The following RARS1 variants were observed in gnomAD, a reference collection of about 807,000 sequenced individuals.
RARS1 encodes the protein arginine--tRNA ligase, cytoplasmic.
A neutral mutation model predicts 78.7 loss-of-function variants in RARS1; 75 were observed. That is an observed-to-expected ratio of 0.95 (90% CI 0.79 to 1.15). The LOEUF (loss-of-function observed/expected upper bound fraction) is 1.15, where lower values mean the gene tolerates loss of function less well. Ranked by LOEUF, RARS1 falls within the 50% of genes most tolerant of loss-of-function variation. The pLI is 0.00. For missense variants in RARS1, 787 were observed against 787.5 expected (o/e 1.00, Z 0.01); for synonymous variants, 273 against 268.2 (o/e 1.02, Z -0.18).
chr5:168,512,334 T>G (rs542296934), intron 12 of RARS1, among the ~76,000 whole-genome samples: 2 of 152,306 alleles, frequency 1.3e-5, no homozygotes, highest in East Asian at 3.9e-4. Flanking sequence ...TTCTTTCGGA[T>G]ATATATCTAG....
intron 11 of RARS1, among the ~76,000 whole-genome samples, chr5:168,507,148 C>T (rs1758465009): frequency 6.6e-6 from 1 of 152,130 alleles, no homozygotes; most frequent in Non-Finnish European, 1.5e-5. Flanking sequence ...AGACACTATT[C>T]AACAATATAG....
intron 7 of RARS1, among the ~76,000 whole-genome samples, chr5:168,498,811 A>G (rs1312845409): frequency 6.6e-6 from 1 of 152,118 alleles, no homozygotes; most frequent in African/African-American, 2.4e-5. Flanking sequence ...CACAAAAAAT[A>G]CAAAAGTTAG....
Position 168,506,756 on chromosome 5 carries a change from A to G in RARS1, c.1271A>G (p.Gln424Arg). ...VHFQTIFAAA[Q>R]MIGWYDPKVT... ...TTCCAGACAATATTTGCTGCTGCTC[A>G]AATGATTGGTTGGTATGACCCTAAA... Residue 424 changes from glutamine to arginine, a missense_variant, in exon 11 of 15, where the codon CAA becomes CGA. Physicochemically the swap from Gln to Arg is conservative, Grantham distance 43 (BLOSUM62 1). Coordinates refer to ENST00000231572, the MANE Select transcript of RARS1 (RefSeq NM_002887.4). 6.2e-7 allele frequency: 1 copy of G among 1,613,948 alleles called. No individual in the cohort carries two copies. Among genetic ancestry groups the G allele is most frequent in the Admixed American group, 1.7e-5 (1 of 60,026 alleles).
At chr5:168,511,376 G>A (rs1390875495) in intron 12 of RARS1, among the ~76,000 whole-genome samples, 1 of 151,992 alleles carries the variant, frequency 6.6e-6, no homozygotes, top group Admixed American at 6.6e-5. Flanking sequence ...GGAAGATGAA[G>A]GGGGAGCAGG....
intron 7 of RARS1, among the ~76,000 whole-genome samples, chr5:168,497,734 C>T (rs1412339008): frequency 6.6e-6 from 1 of 151,930 alleles, no homozygotes; most frequent in Non-Finnish European, 1.5e-5. Context: ...ATCTGAAAAA[C>T]TGAATTCTTT....
At chr5:168,518,960 A>G in intron 14 of RARS1, 121 bp from the exon 15 acceptor site, 1 of 672,930 alleles carries the variant, frequency 1.5e-6, no homozygotes, top group East Asian at 2.9e-5. Context: ...GTTAAAACCC[A>G]AAAACATCTG....
chr5:168,505,296 C>T (rs768208567), intron 9 of RARS1, among the ~76,000 whole-genome samples: 30 of 152,216 alleles, frequency 2.0e-4, no homozygotes, highest in Non-Finnish European at 4.0e-4. Flanking sequence ...ATAGCTGCTA[C>T]TGTTATCATG....
chr5:168,500,542 G>GATT (rs1758296104), intron 7 of RARS1, 49 bp from the exon 8 acceptor site: 1 of 1,386,802 alleles, frequency 7.2e-7, no homozygotes, highest in Admixed American at 3.5e-5. Flanking sequence ...AGAAATACAG[G>GATT]ATTAGATCTT....
At chr5:168,494,250 A>G (rs1485272764) in intron 4 of RARS1, 9 of 985,218 alleles carry the variant, frequency 9.1e-6, no homozygotes, top group Non-Finnish European at 1.1e-5. Context: ...AAATGAGGAT[A>G]GATAATGGCA....
chr5:168,501,388 G>A (rs1758316864), intron 8 of RARS1, among the ~76,000 whole-genome samples: 1 of 152,050 alleles, frequency 6.6e-6, no homozygotes, highest in Non-Finnish European at 1.5e-5. Context: ...GATAGGAAGA[G>A]CTTTTTTTTC....
chr5:168,507,533 A>G (rs1295766441), intron 11 of RARS1, among the ~76,000 whole-genome samples: 1 of 152,182 alleles, frequency 6.6e-6, no homozygotes, highest in East Asian at 1.9e-4. Flanking sequence ...TCCATCCTAC[A>G]AACGTGGTCA....
rs1758544515 is a variant in RARS1, at chr5:168,510,622, T to C, written c.1388T>C (p.Met463Thr). 6.2e-7 allele frequency: 1 copy of C among 1,610,958 alleles called. No homozygotes were observed. The highest frequency in any genetic ancestry group is 8.5e-7 in the Non-Finnish European group (1 of 1,179,318). The change falls in exon 12 of 15, where the codon ATG becomes ACG. Residue 463 changes from methionine (M) to threonine (T), a missense_variant. Coordinates refer to ENST00000231572, the MANE Select transcript of RARS1 (RefSeq NM_002887.4). ...CGTTCGGGTGAAACAGTGCGCCTCA[T>C]GGATCTTCTGGGAGAAGGACTAAAA... ...KTRSGETVRL[M>T]DLLGEGLKRS...
At chr5:168,500,435 G>T (rs1400494995) in intron 7 of RARS1, among the ~76,000 whole-genome samples, 156 bp from the exon 8 acceptor site, 1 of 152,114 alleles carries the variant, frequency 6.6e-6, no homozygotes, top group Non-Finnish European at 1.5e-5. Flanking sequence ...ATGTTCATTT[G>T]TAACAGTATT....
In RARS1 at chr5:168,511,056, A is replaced by G. The variant is rs139716368; in HGVS notation, c.1452+370A>G. ...TCTTGGGAGCATTTGTAGAGTGGTC[A>G]TAGCAGTCAGTTCTTGCCACCCAAG... On this transcript the variant is annotated intron_variant, in intron 12 of 14. Transcript: ENST00000231572. Among the ~76,000 whole-genome samples, 115 of 152,278 alleles carry G rather than the reference A, an allele frequency of 7.6e-4. 1 individual carries two copies. In the East Asian group the frequency reaches 0.018, roughly 24 times the overall value.
At chr5:168,493,565 C>T (rs947034776) in intron 3 of RARS1, among the ~76,000 whole-genome samples, 2 of 136,330 alleles carry the variant, frequency 1.5e-5, no homozygotes, top group African/African-American at 2.8e-5. Flanking sequence ...AACCCAGGGG[C>T]GGAGGTTACA....
At chr5:168,512,231 G>A (rs767043554) in intron 12 of RARS1, among the ~76,000 whole-genome samples, 9 of 152,122 alleles carry the variant, frequency 5.9e-5, no homozygotes, top group Non-Finnish European at 1.2e-4. Context: ...TCCTATTGAT[G>A]GACATTAGGA....
Position 168,500,600 on chromosome 5 carries a change from A to G in RARS1, c.832A>G (p.Lys278Glu). The G allele has an allele frequency of 6.5e-7, 1 of 1,541,680 alleles. No homozygotes were observed. The change falls in exon 8 of 15, where the codon AAG (lysine) becomes GAG (glutamate). Residue 278 changes from lysine (K) to glutamate (E), a missense_variant. Transcript: ENST00000231572. ...DLQVFYKESKKRFDTEEEFKK... is the reference protein window; with the variant it reads ...DLQVFYKESKERFDTEEEFKK... ...ATATATATATATACAGGAATCTAAG[A>G]AGAGGTTTGATACTGAGGAGGAATT...
chr5:168,488,425 G>C (rs1758013952), intron 1 of RARS1, among the ~76,000 whole-genome samples, 177 bp from the exon 2 acceptor site: 1 of 152,188 alleles, frequency 6.6e-6, no homozygotes, highest in African/African-American at 2.4e-5. Flanking sequence ...ACCATGCCTG[G>C]CCAATATTTT....
Position 168,493,912 on chromosome 5 carries a change from C to G in RARS1, c.388C>G (p.Gln130Glu). 1 of 1,612,094 alleles carries G rather than the reference C, an allele frequency of 6.2e-7. No homozygotes were observed. Among genetic ancestry groups the G allele is most frequent in the Non-Finnish European group, 8.5e-7 (1 of 1,178,380 alleles). Residue 130 changes from glutamine (Q) to glutamate (E), a missense_variant, in exon 4 of 15, where the codon CAG becomes GAG. Transcript: ENST00000231572. ...GISQMLKTKE[Q>E]KVNPREIAEN... ...GTTGTAGATGCTCAAAACCAAGGAA[C>G]AGAAAGTTAATCCAAGAGAAATTGC...
Sources: allele counts gnomAD v4.1 joint callset (sites outside exome capture counted in the v4.1 genomes callset), GRCh38; gene constraint gnomAD v4.1.1; transcripts MANE v1.5; gene names NCBI Gene and HGNC (gene_info 2026-07-23, HGNC 2026-07-21).